Variants in NSUN3 observed in about 807,000 individuals in gnomAD.
The protein encoded by NSUN3 is NOP2/Sun RNA methyltransferase 3.
A neutral mutation model predicts 36.8 loss-of-function variants in NSUN3; 24 were observed. The observed-to-expected ratio is 0.65, with a 90% CI of 0.47 to 0.92. The LOEUF (loss-of-function observed/expected upper bound fraction) is 0.92. NSUN3 is among the 40% of genes least tolerant of loss of function. NSUN3 has a pLI of 0.00. For synonymous variants in NSUN3, 146 were observed against 145.2 expected, an observed-to-expected ratio of 1.01 and a Z score of -0.04; for missense variants, 381 against 392.8, an observed-to-expected ratio of 0.97 and a Z score of 0.25.
chr3:94,079,417 T>C (rs1311237604), intron 2 of NSUN3, among the ~76,000 whole-genome samples: 1 of 152,190 alleles, frequency 6.6e-6, no homozygotes, highest in Non-Finnish European at 1.5e-5. Context: ...GGGTTTGCTC[T>C]TCTCGAGGAG....
chr3:94,080,517 C>G (rs1421857183), intron 2 of NSUN3, among the ~76,000 whole-genome samples: 3 of 152,250 alleles, frequency 2.0e-5, no homozygotes, highest in East Asian at 3.9e-4. Context: ...ACAGCCGCCC[C>G]TTTCCCCAGG....
In NSUN3 at chr3:94,064,510, A is replaced by G. The variant is rs768133639; in HGVS notation, c.86A>G (p.Tyr29Cys). The G allele has an allele frequency of 1.9e-6, 3 of 1,612,592 alleles. No individual in the cohort carries two copies. Among genetic ancestry groups the G allele is most frequent in the Non-Finnish European group, 2.5e-6 (3 of 1,178,648 alleles). Residue 29 changes from tyrosine (Y) to cysteine (C), a missense_variant, in exon 2 of 6, where the codon TAT becomes TGT. Coordinates refer to ENST00000314622, the MANE Select transcript of NSUN3 (RefSeq NM_022072.5). ...KVVLDHFEKQ[Y>C]SKELGDAWNT... is the part of the protein sequence containing the mutation. ...GTGTTGGATCATTTTGAAAAACAGTATTCCAAAGAACTCGGAGATGCCTGG... is the reference window on the plus strand; with the variant it reads ...GTGTTGGATCATTTTGAAAAACAGTGTTCCAAAGAACTCGGAGATGCCTGG...
intron 5 of NSUN3, among the ~76,000 whole-genome samples, chr3:94,123,617 A>G (rs138166413): frequency 2.6e-5 from 4 of 152,182 alleles, no homozygotes; most frequent in Non-Finnish European, 5.9e-5. Context: ...GTTTTCATCA[A>G]GACCCTCTCC....
chr3:94,072,055 A>G (rs931367764), intron 2 of NSUN3, among the ~76,000 whole-genome samples: 2 of 152,192 alleles, frequency 1.3e-5, no homozygotes, highest in Non-Finnish European at 2.9e-5. Flanking sequence ...AGGAAGCACC[A>G]GCCTGAGCAG....
At chr3:94,075,337 A>G (rs1179830250) in intron 2 of NSUN3, among the ~76,000 whole-genome samples, 1 of 152,166 alleles carries the variant, frequency 6.6e-6, no homozygotes, top group Non-Finnish European at 1.5e-5. Context: ...ACTAATGAGC[A>G]AAAATATATG....
chr3:94,089,280 T>A (rs924481701), intron 3 of NSUN3, among the ~76,000 whole-genome samples: 9 of 152,242 alleles, frequency 5.9e-5, no homozygotes, highest in Admixed American at 5.2e-4. Flanking sequence ...GGCGATGACT[T>A]AGCTGTTATC....
intron 1 of NSUN3, chr3:94,064,179 T>C (rs1025159166): frequency 2.3e-6 from 1 of 441,312 alleles, no homozygotes; most frequent in Non-Finnish European, 4.1e-6. Flanking sequence ...ATTTTGTTCC[T>C]TTTGACAGTT....
chr3:94,076,924 A>T, intron 2 of NSUN3: 2 of 1,157,030 alleles, frequency 1.7e-6, no homozygotes, highest in Non-Finnish European at 2.6e-6. Flanking sequence ...GGAGTTGCAC[A>T]CTGGCTATAA....
rs1306491544 is a variant in NSUN3 at position 94,130,981 on chromosome 3, TG to T, written c.*4493del. ...CAGCTAGAGTGCAGTGGTGTCATCATGGCTCACTGCAGCCTCGACTTCCTGG... is the reference window on the plus strand; with the variant it reads ...CAGCTAGAGTGCAGTGGTGTCATCATGCTCACTGCAGCCTCGACTTCCTGG... On this transcript the variant is annotated 3_prime_UTR_variant, in exon 6 of 6. Coordinates refer to ENST00000314622, the MANE Select transcript of NSUN3 (RefSeq NM_022072.5). 6.6e-6 allele frequency among the ~76,000 whole-genome samples: 1 copy of T among 152,102 alleles called. No individual in the cohort carries two copies. The highest frequency in any genetic ancestry group is 1.5e-5 in the Non-Finnish European group (1 of 68,010).
intron 5 of NSUN3, among the ~76,000 whole-genome samples, chr3:94,117,093 G>A (rs1464773674): frequency 6.7e-6 from 1 of 149,940 alleles, no homozygotes; most frequent in Non-Finnish European, 1.5e-5. Flanking sequence ...CCACCTCCTG[G>A]GTTCAAGTGA....
rs1206932203 is a variant in NSUN3, at chr3:94,066,056, T to TA, written c.122+1522dup. 4.1e-3 allele frequency among the ~76,000 whole-genome samples: 585 copies of TA among 143,192 alleles called. 5 individuals carry two copies. Among genetic ancestry groups the TA allele is most frequent in the African/African-American group, 7.5e-3 (294 of 39,240 alleles). 93.9% of individuals were successfully genotyped at this position (143,192 alleles called of 152,430 possible). On this transcript the variant is annotated intron_variant, in intron 2 of 5. Coordinates refer to ENST00000314622, the MANE Select transcript of NSUN3 (RefSeq NM_022072.5). ...ACTGTCTCATATCTGGGATGTGATT[T>TA]AAAAAAAAAAAAGATTTCAAGAGGC...
chr3:94,109,506 G>T (rs779004328), intron 5 of NSUN3, among the ~76,000 whole-genome samples: 1 of 152,208 alleles, frequency 6.6e-6, no homozygotes, highest in Non-Finnish European at 1.5e-5. Context: ...CTGGTGGTAG[G>T]CTTTAAGTGA....
chr3:94,065,943 C>T (rs1483971811), intron 2 of NSUN3, among the ~76,000 whole-genome samples: 1 of 151,962 alleles, frequency 6.6e-6, no homozygotes, highest in African/African-American at 2.4e-5. Context: ...GTAATTTGCC[C>T]AAGTTCACTC....
At chr3:94,111,212 T>TA (rs965099927) in intron 5 of NSUN3, among the ~76,000 whole-genome samples, 3 of 151,940 alleles carry the variant, frequency 2.0e-5, no homozygotes, top group Non-Finnish European at 2.9e-5. Context: ...CTATAAAAGA[T>TA]AAAAAAATTG....
intron 2 of NSUN3, among the ~76,000 whole-genome samples, chr3:94,082,860 A>G (rs2077275628): frequency 6.6e-6 from 1 of 152,108 alleles, no homozygotes; most frequent in Non-Finnish European, 1.5e-5. Flanking sequence ...GTTTTTTATC[A>G]TCTGAGCCAC....
At chr3:94,078,878 T>G (rs1394263356) in intron 2 of NSUN3, among the ~76,000 whole-genome samples, 2 of 152,224 alleles carry the variant, frequency 1.3e-5, no homozygotes, top group Non-Finnish European at 2.9e-5. Context: ...GGGTCTTGAC[T>G]CTTTATCCAA....
intron 2 of NSUN3, chr3:94,076,589 G>A: frequency 1.1e-6 from 1 of 871,576 alleles, no homozygotes; most frequent in East Asian, 2.4e-5. Context: ...GTGATCATCT[G>A]AAGCACTAAG....
At chr3:94,078,768 T>C (rs2077256568) in intron 2 of NSUN3, among the ~76,000 whole-genome samples, 1 of 152,196 alleles carries the variant, frequency 6.6e-6, no homozygotes, top group South Asian at 2.1e-4. Context: ...CTGCTTATTT[T>C]TGCTTTCCAT....
intron 5 of NSUN3, among the ~76,000 whole-genome samples, chr3:94,125,200 C>T (rs1038290735): frequency 1.3e-5 from 2 of 152,078 alleles, no homozygotes; most frequent in African/African-American, 4.8e-5. Flanking sequence ...TTTTCTGTTT[C>T]TTCCTGTGTC....
Sources: gnomAD v4.1 joint callset for allele counts (sites outside exome capture counted in the v4.1 genomes callset) on GRCh38, gnomAD v4.1.1 for gene constraint, MANE v1.5 for transcripts, NCBI Gene and HGNC (gene_info 2026-07-23, HGNC 2026-07-21) for gene names.